The following CYP20A1 variants were observed in gnomAD, a reference collection of about 807,000 sequenced individuals.
CYP20A1 encodes the protein cytochrome P450 family 20 subfamily A member 1.
CYP20A1 carries 61 observed loss-of-function variants against 61.4 expected under a neutral mutation model. That is an observed-to-expected ratio of 0.99 (90% CI 0.81 to 1.23). The LOEUF (loss-of-function observed/expected upper bound fraction) is 1.23. Among genes scored for constraint, CYP20A1 ranks in the 50% most tolerant of loss-of-function variants. The pLI is 0.00. For synonymous variants in CYP20A1, 193 were observed against 188.2 expected, an observed-to-expected ratio of 1.03 and a Z score of -0.21; for missense variants, 530 against 542.4, an observed-to-expected ratio of 0.98 and a Z score of 0.23.
chr2:203,260,513 C>T (rs1298413816), intron 4 of CYP20A1, among the ~76,000 whole-genome samples: 2 of 151,904 alleles, frequency 1.3e-5, no homozygotes, highest in Admixed American at 6.6e-5. Context: ...TGAGCCACCG[C>T]GTCTGGCCTG....
rs1052723785 is a variant in CYP20A1, at chr2:203,246,639, G to C, written c.123-116G>C. 51 of 1,061,772 alleles carry C rather than the reference G, an allele frequency of 4.8e-5. No individual in the cohort carries two copies. In the African/African-American group the frequency reaches 7.6e-4, roughly 16 times the overall value. 65.8% of individuals were successfully genotyped at this position (1,061,772 alleles called of 1,614,324 possible). On this transcript the variant is annotated intron_variant, in intron 2 of 12. Coordinates refer to ENST00000356079, the MANE Select transcript of CYP20A1 (RefSeq NM_177538.3). ...TGAGTTTTGGATTTTGCAGTAATTTGAATTTCATGAACCTTTGTTCTCATT... is the reference window on the plus strand; with the variant it reads ...TGAGTTTTGGATTTTGCAGTAATTTCAATTTCATGAACCTTTGTTCTCATT...
At position 203,298,718 on chromosome 2, in the gene CYP20A1, A is replaced by G. The variant is rs1012320869; in HGVS notation, c.*1810A>G. On this transcript the variant is annotated 3_prime_UTR_variant, in exon 13 of 13. Transcript: ENST00000356079. The stretch of plus-strand genomic sequence containing the variant: ...CATTCTCAAAAAAAAAAAAAAAAGG[A>G]GGTGGGGAGAGCTATTTCAAGAATA... Among the ~76,000 whole-genome samples the G allele has an allele frequency of 1.3e-4, 18 of 143,632 alleles. No individual in the cohort carries two copies. The highest frequency in any genetic ancestry group is 9.1e-5 in the Non-Finnish European group (6 of 65,870). 94.2% of individuals were successfully genotyped at this position (143,632 alleles called of 152,430 possible).
chr2:203,285,351 C>G (rs1298104552), intron 8 of CYP20A1, among the ~76,000 whole-genome samples: 5 of 152,012 alleles, frequency 3.3e-5, no homozygotes, highest in African/African-American at 4.8e-5. Context: ...TTAAGTGGCT[C>G]CAGTTACTTA....
At chr2:203,251,804 TATATATATATATAA>T (rs1462822485) in intron 3 of CYP20A1, among the ~76,000 whole-genome samples, 149 bp from the exon 4 acceptor site, 4 of 84,690 alleles carry the variant, frequency 4.7e-5, no homozygotes, top group East Asian at 4.5e-4. Context: ...TATATATATA[TATATATATATATAA>T]AAAATAAAAA....
intron 4 of CYP20A1, among the ~76,000 whole-genome samples, chr2:203,261,265 T>C (rs1322362522): frequency 6.6e-6 from 1 of 151,696 alleles, no homozygotes; most frequent in Non-Finnish European, 1.5e-5. Flanking sequence ...CTCTAAAGAA[T>C]ATAGGAATAC....
In CYP20A1 at chr2:203,298,533, C is replaced by CAAAAA. The variant is rs76767556; in HGVS notation, c.*1639_*1643dup. The stretch of plus-strand genomic sequence containing the variant: ...TGAAACCCCGTCTCTACTAAAAATA[C>CAAAAA]AAAAAAAAAAAAAAAAAATTAGCCA... On this transcript the variant is annotated 3_prime_UTR_variant, in exon 13 of 13. Coordinates refer to ENST00000356079, the MANE Select transcript of CYP20A1 (RefSeq NM_177538.3). Among the ~76,000 whole-genome samples, 7 of 124,522 alleles carry CAAAAA rather than the reference C, an allele frequency of 5.6e-5. No homozygotes were observed. Among genetic ancestry groups the CAAAAA allele is most frequent in the African/African-American group, 2.2e-4 (7 of 32,412 alleles). The allele number at this position is 124,522 out of a possible 152,430, so 81.7% of individuals were successfully genotyped here.
At chr2:203,277,457 A>G (rs1339932163) in intron 6 of CYP20A1, among the ~76,000 whole-genome samples, 11 of 152,044 alleles carry the variant, frequency 7.2e-5, no homozygotes, top group Admixed American at 1.3e-4. Flanking sequence ...GTATAATTTT[A>G]TGGGCCATTG....
At position 203,299,601 on chromosome 2, in the gene CYP20A1, G is replaced by A. The variant is rs546063139; in HGVS notation, c.*2693G>A. ...TTAAATTCTAAAACTTTGGCCGGGCGTGATGGCTCATGCCTGTAATCCCAG... is the reference window on the plus strand; with the variant it reads ...TTAAATTCTAAAACTTTGGCCGGGCATGATGGCTCATGCCTGTAATCCCAG... On this transcript the variant is annotated 3_prime_UTR_variant, in exon 13 of 13. Transcript: ENST00000356079. Among the ~76,000 whole-genome samples the A allele has an allele frequency of 2.6e-5, 4 of 152,172 alleles. No individual in the cohort carries two copies. Among genetic ancestry groups the A allele is most frequent in the African/African-American group, 4.8e-5 (2 of 41,530 alleles).
At chr2:203,293,815 T>C (rs1292022708) in intron 11 of CYP20A1, among the ~76,000 whole-genome samples, 2 of 152,148 alleles carry the variant, frequency 1.3e-5, no homozygotes. Flanking sequence ...AGAGTTTAAG[T>C]CGTTTAAAAA....
intron 6 of CYP20A1, among the ~76,000 whole-genome samples, 197 bp from the exon 7 acceptor site, chr2:203,278,376 T>C (rs76436991): frequency 6.6e-6 from 1 of 152,350 alleles, no homozygotes; most frequent in Non-Finnish European, 1.5e-5. Context: ...ACATGCTTTG[T>C]GCACTTTTTT....
intron 11 of CYP20A1, among the ~76,000 whole-genome samples, chr2:203,294,150 A>G (rs1455989994): frequency 6.6e-6 from 1 of 151,916 alleles, no homozygotes; most frequent in Non-Finnish European, 1.5e-5. Flanking sequence ...ATGCCTGGCT[A>G]ATTTTTTTTA....
intron 8 of CYP20A1, among the ~76,000 whole-genome samples, chr2:203,282,514 G>A (rs1358108738): frequency 6.6e-6 from 1 of 151,956 alleles, no homozygotes; most frequent in Non-Finnish European, 1.5e-5. Flanking sequence ...TTTTTAAAAC[G>A]CATTACATTA....
At chr2:203,248,480 G>C (rs998373638) in intron 3 of CYP20A1, among the ~76,000 whole-genome samples, 8 of 152,050 alleles carry the variant, frequency 5.3e-5, no homozygotes, top group African/African-American at 1.9e-4. Flanking sequence ...GTTGCAGTGA[G>C]CTGAGATCAT....
intron 4 of CYP20A1, among the ~76,000 whole-genome samples, chr2:203,264,145 C>G (rs2067241411): frequency 1.3e-5 from 2 of 151,978 alleles, no homozygotes; most frequent in Non-Finnish European, 2.9e-5. Context: ...CACCCCATGC[C>G]TAGCTAACTT....
At chr2:203,242,623 AAAAT>A (rs999599724) in intron 1 of CYP20A1, among the ~76,000 whole-genome samples, 4 of 152,018 alleles carry the variant, frequency 2.6e-5, no homozygotes, top group African/African-American at 4.8e-5. Context: ...CCTTGTCTCT[AAAAT>A]AAATAAATAA....
In CYP20A1 at chr2:203,303,302, G is replaced by A. The variant is rs1283728434; in HGVS notation, c.*6394G>A. ...TTACAGGCATGAGCCACTGTGCCCG[G>A]CCATTTTTTTGTGTTTTTAGTGGAG... is the stretch of plus-strand genomic sequence containing the variant. On this transcript the variant is annotated 3_prime_UTR_variant, in exon 13 of 13. Transcript: ENST00000356079. Among the ~76,000 whole-genome samples the A allele has an allele frequency of 6.6e-6, 1 of 151,948 alleles. No homozygotes were observed. Among genetic ancestry groups the A allele is most frequent in the Non-Finnish European group, 1.5e-5 (1 of 67,992 alleles).
At chr2:203,290,006 T>C (rs2068466843) in intron 10 of CYP20A1, 130 bp downstream of exon 10, 1 of 347,004 alleles carries the variant, frequency 2.9e-6, no homozygotes, top group East Asian at 4.9e-5. Flanking sequence ...AATGGCGCGA[T>C]CTTGGCTCAC....
chr2:203,263,225 G>A (rs1239575222), intron 4 of CYP20A1, among the ~76,000 whole-genome samples: 2 of 151,056 alleles, frequency 1.3e-5, no homozygotes, highest in Non-Finnish European at 2.9e-5. Context: ...CTGACCTCAG[G>A]TGATCAGCCC....
intron 11 of CYP20A1, among the ~76,000 whole-genome samples, chr2:203,294,966 TTTTTG>T (rs2068721447): frequency 9.1e-6 from 1 of 110,206 alleles, no homozygotes; most frequent in African/African-American, 3.4e-5. Flanking sequence ...TTTTTTTTTT[TTTTTG>T]AGACAGAGTC....
Sources: allele counts gnomAD v4.1 joint callset (sites outside exome capture counted in the v4.1 genomes callset), GRCh38; gene constraint gnomAD v4.1.1; transcripts MANE v1.5; gene names NCBI Gene and HGNC (gene_info 2026-07-23, HGNC 2026-07-21).